MRTFA: variants seen among roughly 807,000 people sequenced by gnomAD.
MRTFA encodes myocardin-related transcription factor A.
Under a neutral mutation model 83.5 loss-of-function variants are expected in MRTFA, and 20 were observed. That is an observed-to-expected ratio of 0.24 (90% CI 0.17 to 0.35). MRTFA has a LOEUF of 0.35. MRTFA is among the 10% of genes least tolerant of loss of function. The pLI, the probability that MRTFA is intolerant of heterozygous loss-of-function variation, is 1.00. For missense variants in MRTFA, 1,200 were observed against 1,224.7 expected (o/e 0.98, Z 0.30); for synonymous variants, 659 against 541.2 (o/e 1.22, Z -3.02).
intron 3 of MRTFA, among the ~76,000 whole-genome samples, chr22:40,487,849 T>G (rs542719755): frequency 3.9e-5 from 6 of 152,304 alleles, no homozygotes; most frequent in African/African-American, 1.4e-4. Context: ...GATATGATAC[T>G]GCCCTCTAGT....
chr22:40,446,977 T>A (rs902510084), intron 4 of MRTFA, among the ~76,000 whole-genome samples: 1 of 152,184 alleles, frequency 6.6e-6, no homozygotes, highest in Non-Finnish European at 1.5e-5. Context: ...CAGTATATGC[T>A]ATGAAGAACT....
chr22:40,464,173 C>T (rs915907448), intron 3 of MRTFA, among the ~76,000 whole-genome samples: 6 of 151,342 alleles, frequency 4.0e-5, no homozygotes, highest in Middle Eastern at 6.3e-3. Flanking sequence ...TGGTGGTGCG[C>T]GCCTGTAGTC....
intron 2 of MRTFA, among the ~76,000 whole-genome samples, chr22:40,554,143 A>G (rs2147315579): frequency 6.6e-6 from 1 of 152,328 alleles, no homozygotes; most frequent in South Asian, 2.1e-4. Flanking sequence ...TCGATTTTAC[A>G]GGCTCATAGG....
intron 2 of MRTFA, among the ~76,000 whole-genome samples, chr22:40,564,767 T>G (rs2055678559): frequency 6.6e-6 from 1 of 152,158 alleles, no homozygotes; most frequent in African/African-American, 2.4e-5. Context: ...TTCTCCTGCC[T>G]CAGCCTCCCG....
chr22:40,534,872 A>G (rs528280843), intron 3 of MRTFA, among the ~76,000 whole-genome samples: 10 of 152,384 alleles, frequency 6.6e-5, no homozygotes, highest in African/African-American at 2.4e-4. Flanking sequence ...TAATGCTTAC[A>G]TAGTAAACAA....
intron 2 of MRTFA, among the ~76,000 whole-genome samples, chr22:40,591,127 C>T (rs531993301): frequency 1.3e-5 from 2 of 152,120 alleles, no homozygotes; most frequent in East Asian, 3.9e-4. Context: ...GAGCGAGACT[C>T]CGTCTCAAAA....
chr22:40,503,478 C>A (rs1365358798), intron 3 of MRTFA, among the ~76,000 whole-genome samples: 1 of 152,148 alleles, frequency 6.6e-6, no homozygotes, highest in Non-Finnish European at 1.5e-5. Context: ...CTCAAAGTAC[C>A]GGGATTACAA....
chr22:40,424,135 A>C, intron 8 of MRTFA, 71 bp downstream of exon 8: 1 of 1,454,188 alleles, frequency 6.9e-7, no homozygotes, highest in Middle Eastern at 2.5e-4. Flanking sequence ...CCCGTGGCCC[A>C]GGAGAGAGAC....
intron 4 of MRTFA, among the ~76,000 whole-genome samples, chr22:40,436,908 G>A (rs1435654157): frequency 6.6e-6 from 1 of 152,136 alleles, no homozygotes; most frequent in African/African-American, 2.4e-5. Context: ...TATCCTGCCT[G>A]GGCCGTTGTG....
chr22:40,418,665 C>T lies in MRTFA; in HGVS notation c.2073G>A (p.Leu691=). The change falls in exon 12 of 15, where the codon CTG becomes CTA. Residue 691 remains leucine, a synonymous_variant. Transcript: ENST00000355630. ...TGGGGTTGAATGGGTGAGCGGGGCC[C>T]AGGGGCTGCTGGCTCAGCTGGCAGC... 2 of 1,504,338 alleles carry T rather than the reference C, an allele frequency of 1.3e-6. No individual in the cohort carries two copies. The highest frequency in any genetic ancestry group is 1.8e-4 in the Middle Eastern group (1 of 5,564). 93.2% of individuals were successfully genotyped at this position (1,504,338 alleles called of 1,614,324 possible).
chr22:40,625,589 C>A (rs1282184751), intron 1 of MRTFA, among the ~76,000 whole-genome samples: 1 of 152,030 alleles, frequency 6.6e-6, no homozygotes, highest in Admixed American at 6.6e-5. Context: ...ACCAGCCTGG[C>A]CAATATGGTG....
intron 5 of MRTFA, among the ~76,000 whole-genome samples, chr22:40,434,596 C>T (rs2053132371): frequency 6.6e-6 from 1 of 152,036 alleles, no homozygotes; most frequent in African/African-American, 2.4e-5. Context: ...GTGGCGGGAG[C>T]CTGTAGGTCC....
chr22:40,535,315 G>C (rs1212938045), intron 3 of MRTFA, among the ~76,000 whole-genome samples: 1 of 151,246 alleles, frequency 6.6e-6, no homozygotes, highest in Non-Finnish European at 1.5e-5. Flanking sequence ...GTCCTTATGT[G>C]GGCTGTATAA....
At chr22:40,417,206 C>T in intron 13 of MRTFA, 135 bp downstream of exon 13, 1 of 1,395,398 alleles carries the variant, frequency 7.2e-7, no homozygotes, top group Non-Finnish European at 9.7e-7. Context: ...CCTAACAACC[C>T]ACTCCCCAAG....
At chr22:40,617,308 G>A (rs1340393881) in intron 1 of MRTFA, among the ~76,000 whole-genome samples, 1 of 152,028 alleles carries the variant, frequency 6.6e-6, no homozygotes, top group Non-Finnish European at 1.5e-5. Context: ...CTATGGGACT[G>A]GATGAGGTCT....
chr22:40,634,244 C>T (rs1166461280), intron 1 of MRTFA, among the ~76,000 whole-genome samples: 5 of 152,088 alleles, frequency 3.3e-5, no homozygotes, highest in Admixed American at 2.0e-4. Flanking sequence ...CAAGCCACCA[C>T]GTCTGCTAAT....
intron 2 of MRTFA, among the ~76,000 whole-genome samples, chr22:40,593,471 G>A (rs1156952052): frequency 6.6e-6 from 1 of 151,970 alleles, no homozygotes; most frequent in Non-Finnish European, 1.5e-5. Flanking sequence ...GTATTTCCAT[G>A]GAATAGTTTA....
At chr22:40,602,000 C>T (rs1347579874) in intron 1 of MRTFA, among the ~76,000 whole-genome samples, 1 of 152,120 alleles carries the variant, frequency 6.6e-6, no homozygotes, top group Admixed American at 6.6e-5. Flanking sequence ...TGAGGAACAT[C>T]GATGTAACAT....
At chr22:40,557,668 A>T (rs2055545692) in intron 2 of MRTFA, among the ~76,000 whole-genome samples, 1 of 152,176 alleles carries the variant, frequency 6.6e-6, no homozygotes, top group Non-Finnish European at 1.5e-5. Context: ...AAGTGGTTAA[A>T]AGGTAAGTTT....
Sources: allele counts gnomAD v4.1 joint callset (sites outside exome capture counted in the v4.1 genomes callset), GRCh38; gene constraint gnomAD v4.1.1; transcripts MANE v1.5; gene names NCBI Gene and HGNC (gene_info 2026-07-23, HGNC 2026-07-21).